The following TMEM178B variants were observed in gnomAD, a reference collection of about 807,000 sequenced individuals.
TMEM178B encodes transmembrane protein 178B.
A neutral mutation model predicts 31.0 loss-of-function variants in TMEM178B; 5 were observed. The ratio of observed to expected loss-of-function variants is 0.16; its 90% CI spans 0.08 to 0.34. The LOEUF (loss-of-function observed/expected upper bound fraction) is 0.34, where lower values mean the gene tolerates loss of function less well. Among genes scored for constraint, TMEM178B ranks in the 10% least tolerant of loss-of-function variants. The probability of loss-of-function intolerance (pLI) is 1.00; values close to 1 mark genes in which losing one functional copy is unlikely to be tolerated. For missense variants in TMEM178B, 275 were observed against 400.3 expected (o/e 0.69, Z 2.67); for synonymous variants, 164 against 164.0 (o/e 1.00, Z 0.00).
intron 2 of TMEM178B, among the ~76,000 whole-genome samples, chr7:141,394,229 G>A (rs1300138846): frequency 1.3e-5 from 2 of 152,248 alleles, no homozygotes; most frequent in Non-Finnish European, 2.9e-5. Context: ...TCACCTCCGT[G>A]ACAGCTTCTT....
chr7:141,135,674 C>A (rs919493847), intron 1 of TMEM178B, among the ~76,000 whole-genome samples: 1 of 152,006 alleles, frequency 6.6e-6, no homozygotes, highest in African/African-American at 2.4e-5. Flanking sequence ...AAGAAAAAAT[C>A]TTGAAACAAA....
At position 141,332,031 on chromosome 7, in the gene TMEM178B, A is replaced by G. The variant is rs541590546; in HGVS notation, c.497-105577A>G. On this transcript the variant is annotated intron_variant, in intron 2 of 3. Transcript: ENST00000565468. Reference sequence around the variant, plus strand: ...TCAGGACACTTACCTGTACCCCTCCAGTGAGTGAGGAGATGACCTCCTGGT... The same window carrying G: ...TCAGGACACTTACCTGTACCCCTCCGGTGAGTGAGGAGATGACCTCCTGGT... 3.5e-4 allele frequency among the ~76,000 whole-genome samples: 53 copies of G among 152,212 alleles called. 2 individuals carry two copies. The highest frequency in any genetic ancestry group is 1.1e-3 in the African/African-American group (46 of 41,542).
chr7:141,269,789 G>C (rs1798152609), intron 2 of TMEM178B, among the ~76,000 whole-genome samples: 1 of 152,182 alleles, frequency 6.6e-6, no homozygotes, highest in Non-Finnish European at 1.5e-5. Context: ...TTGCGGCCAG[G>C]CAGGGTGGCT....
intron 2 of TMEM178B, among the ~76,000 whole-genome samples, chr7:141,308,431 C>T (rs916651039): frequency 2.0e-5 from 3 of 152,154 alleles, no homozygotes; most frequent in Non-Finnish European, 2.9e-5. Flanking sequence ...CAGGGTCTCA[C>T]TCTGTGCCCC....
chr7:141,092,243 G>A (rs1444649041), intron 1 of TMEM178B, among the ~76,000 whole-genome samples: 1 of 152,200 alleles, frequency 6.6e-6, no homozygotes, highest in Non-Finnish European at 1.5e-5. Flanking sequence ...TGATTTTTAA[G>A]AGACTTGGGT....
chr7:141,205,165 T>C (rs1376333427), intron 1 of TMEM178B, among the ~76,000 whole-genome samples: 1 of 152,142 alleles, frequency 6.6e-6, no homozygotes, highest in East Asian at 1.9e-4. Context: ...AACTGCTCTT[T>C]GAATAAAAAA....
At chr7:141,221,752 C>T (rs1797261278) in intron 2 of TMEM178B, among the ~76,000 whole-genome samples, 1 of 152,074 alleles carries the variant, frequency 6.6e-6, no homozygotes, top group African/African-American at 2.4e-5. Flanking sequence ...ATGGGGAGGG[C>T]AGCAGGAAGG....
intron 1 of TMEM178B, among the ~76,000 whole-genome samples, chr7:141,084,104 C>T (rs1478566335): frequency 6.6e-6 from 1 of 152,174 alleles, no homozygotes; most frequent in African/African-American, 2.4e-5. Flanking sequence ...CACGCCCAGC[C>T]TATTCAGCAC....
the TMEM178B span, among the ~76,000 whole-genome samples, chr7:141,485,750 G>T: frequency 1.3e-5 from 2 of 152,196 alleles, no homozygotes; most frequent in Non-Finnish European, 2.9e-5. Flanking sequence ...ATGTCTGGTG[G>T]CATCACTGGC....
At chr7:141,297,618 G>A (rs1398156760) in intron 2 of TMEM178B, among the ~76,000 whole-genome samples, 1 of 151,980 alleles carries the variant, frequency 6.6e-6, no homozygotes. Flanking sequence ...TTGTTTTTCT[G>A]TCCTTGCGAT....
chr7:141,251,216 C>T (rs534850388), intron 2 of TMEM178B, among the ~76,000 whole-genome samples: 99 of 151,776 alleles, frequency 6.5e-4, no homozygotes, highest in African/African-American at 2.2e-3. Context: ...GTCTCTTTGC[C>T]AGAAACTTCT....
chr7:141,465,747 C>A (rs1802138335), intron 3 of TMEM178B, among the ~76,000 whole-genome samples: 1 of 152,150 alleles, frequency 6.6e-6, no homozygotes. Context: ...GGTGTGGTGG[C>A]TCACATTTAT....
At chr7:141,387,611 G>A (rs773119034) in intron 2 of TMEM178B, among the ~76,000 whole-genome samples, 4 of 152,090 alleles carry the variant, frequency 2.6e-5, no homozygotes, top group Non-Finnish European at 5.9e-5. Context: ...TTTTCATAGC[G>A]AGGAGCTATA....
At chr7:141,377,946 A>G (rs927484766) in intron 2 of TMEM178B, among the ~76,000 whole-genome samples, 5 of 152,192 alleles carry the variant, frequency 3.3e-5, no homozygotes, top group African/African-American at 9.6e-5. Flanking sequence ...CCATTGGTAC[A>G]TTATTATTAA....
intron 2 of TMEM178B, among the ~76,000 whole-genome samples, chr7:141,309,425 T>G (rs958794130): frequency 2.6e-5 from 4 of 152,218 alleles, no homozygotes; most frequent in African/African-American, 9.6e-5. Context: ...TTGGAAAGTA[T>G]AGATAAGCAC....
intron 1 of TMEM178B, among the ~76,000 whole-genome samples, chr7:141,087,237 C>T (rs1485780061): frequency 6.6e-6 from 1 of 152,142 alleles, no homozygotes; most frequent in Non-Finnish European, 1.5e-5. Context: ...AAAGGGGAAT[C>T]AGTTCATCCC....
intron 2 of TMEM178B, among the ~76,000 whole-genome samples, chr7:141,365,431 C>G (rs370599855): frequency 6.6e-6 from 1 of 152,100 alleles, no homozygotes; most frequent in African/African-American, 2.4e-5. Context: ...ATTCATATGC[C>G]GGGTGCTTAG....
chr7:141,290,003 G>C (rs2116419245), intron 2 of TMEM178B, among the ~76,000 whole-genome samples: 1 of 152,286 alleles, frequency 6.6e-6, no homozygotes, highest in East Asian at 1.9e-4. Context: ...AAAGAAGAAA[G>C]AAGAAGAAAT....
intron 1 of TMEM178B, among the ~76,000 whole-genome samples, chr7:141,161,446 G>A (rs956767100): frequency 9.9e-5 from 15 of 152,184 alleles, no homozygotes; most frequent in South Asian, 4.1e-4. Flanking sequence ...ACCCAGGAGC[G>A]AAGCCAGAGC....
Sources: gnomAD v4.1 joint callset for allele counts (sites outside exome capture counted in the v4.1 genomes callset) on GRCh38, gnomAD v4.1.1 for gene constraint, MANE v1.5 for transcripts, NCBI Gene and HGNC (gene_info 2026-07-23, HGNC 2026-07-21) for gene names.